The following ULK4 variants were observed in gnomAD, a reference collection of about 807,000 sequenced individuals.
The protein encoded by ULK4 is unc-51 like kinase 4, also known as inactive serine/threonine-protein kinase ULK4.
A neutral mutation model predicts 160.6 loss-of-function variants in ULK4; 133 were observed. The observed-to-expected ratio is 0.83, with a 90% CI of 0.72 to 0.96. The LOEUF is 0.96. ULK4 is among the 40% of genes least tolerant of loss of function. ULK4 has a pLI of 0.00. For missense variants in ULK4, 1,580 were observed against 1,499.5 expected, an observed-to-expected ratio of 1.05 and a Z score of -0.89; for synonymous variants, 534 against 539.8, an observed-to-expected ratio of 0.99 and a Z score of 0.15.
intron 33 of ULK4, among the ~76,000 whole-genome samples, chr3:41,461,312 T>C (rs2083679237): frequency 6.6e-6 from 1 of 152,176 alleles, no homozygotes; most frequent in African/African-American, 2.4e-5. Flanking sequence ...ATCCCCAGTG[T>C]GAGAAGTATG....
chr3:41,305,676 C>T (rs1353276082), intron 35 of ULK4, among the ~76,000 whole-genome samples: 5 of 143,382 alleles, frequency 3.5e-5, no homozygotes, highest in East Asian at 2.2e-4. Context: ...TCTGCCTGGC[C>T]GCCCATCGTC....
intron 32 of ULK4, among the ~76,000 whole-genome samples, chr3:41,558,720 A>G (rs529130108): frequency 6.7e-6 from 1 of 148,776 alleles, no homozygotes; most frequent in African/African-American, 2.5e-5. Context: ...AAAAGAAAAG[A>G]AAAAAAAGGA....
At chr3:41,459,364 G>A (rs950004852) in intron 33 of ULK4, among the ~76,000 whole-genome samples, 2 of 152,186 alleles carry the variant, frequency 1.3e-5, no homozygotes, top group African/African-American at 2.4e-5. Flanking sequence ...ACCATGCCCA[G>A]CCCAGTTCCT....
At chr3:41,378,315 G>A (rs1431468260) in intron 35 of ULK4, among the ~76,000 whole-genome samples, 1 of 150,798 alleles carries the variant, frequency 6.6e-6, no homozygotes, top group African/African-American at 2.4e-5. Context: ...CATGGCACAT[G>A]TATACATATG....
intron 35 of ULK4, among the ~76,000 whole-genome samples, chr3:41,375,114 C>A (rs1439171693): frequency 6.6e-6 from 1 of 152,130 alleles, no homozygotes; most frequent in Non-Finnish European, 1.5e-5. Context: ...CTACAAACCA[C>A]TGCTCGACGA....
intron 31 of ULK4, among the ~76,000 whole-genome samples, chr3:41,568,642 C>A (rs1280886300): frequency 6.6e-6 from 1 of 152,216 alleles, no homozygotes; most frequent in African/African-American, 2.4e-5. Flanking sequence ...GAAAAACACA[C>A]ATAAACTCTT....
At chr3:41,648,858 G>A (rs1461403643) in intron 30 of ULK4, among the ~76,000 whole-genome samples, 1 of 152,126 alleles carries the variant, frequency 6.6e-6, no homozygotes, top group African/African-American at 2.4e-5. Flanking sequence ...AGTAGGCTAG[G>A]CATGGTGGCT....
chr3:41,508,139 G>A (rs534334248), intron 32 of ULK4, among the ~76,000 whole-genome samples: 2 of 152,186 alleles, frequency 1.3e-5, no homozygotes, highest in Non-Finnish European at 2.9e-5. Context: ...CTGCATGAGA[G>A]TAGGGTGAGG....
At chr3:41,913,203 G>A (rs767220137) in intron 8 of ULK4, 110 of 198,360 alleles carry the variant, frequency 5.5e-4, no homozygotes, top group Non-Finnish European at 9.4e-4. Flanking sequence ...AAACGGAGTC[G>A]ATAAATAATT....
intron 12 of ULK4, 29 bp downstream of exon 12, chr3:41,907,816 T>G (rs752245244): frequency 1.4e-6 from 2 of 1,452,612 alleles, no homozygotes; most frequent in Non-Finnish European, 1.9e-6. Flanking sequence ...ACATCTTATG[T>G]AGGAAGAAAA....
chr3:41,906,183 C>G (rs1250996423), intron 12 of ULK4, among the ~76,000 whole-genome samples: 1 of 144,282 alleles, frequency 6.9e-6, no homozygotes, highest in Non-Finnish European at 1.5e-5. Context: ...CGCCACTGCA[C>G]TCCAGCCTGG....
At position 41,395,721 on chromosome 3, in the gene ULK4, G is replaced by A. The variant is rs79918083; in HGVS notation, c.3678+2358C>T. 6.7e-3 allele frequency among the ~76,000 whole-genome samples: 1,022 copies of A among 152,248 alleles called. 4 individuals carry two copies. The highest frequency in any genetic ancestry group is 0.015 in the East Asian group (79 of 5,178). On this transcript the variant is annotated intron_variant, in intron 35 of 36. Transcript: ENST00000301831. ...ATAATAGTGATGGTTGCACAACAAT[G>A]TGAATATGCTTAATGCCACTGAACC... is the stretch of plus-strand genomic sequence containing the variant.
At chr3:41,375,782 G>A (rs778530238) in intron 35 of ULK4, among the ~76,000 whole-genome samples, 2 of 150,228 alleles carry the variant, frequency 1.3e-5, no homozygotes, top group Non-Finnish European at 2.9e-5. Flanking sequence ...TGACAAATGG[G>A]ATCTAATTAA....
intron 34 of ULK4, among the ~76,000 whole-genome samples, chr3:41,428,038 A>G (rs2082817163): frequency 6.6e-6 from 1 of 152,118 alleles, no homozygotes; most frequent in South Asian, 2.1e-4. Flanking sequence ...TCTCAGCCCA[A>G]AAGTTTAAGC....
chr3:41,246,975 G>GCACTGT lies in ULK4; in HGVS notation c.3776_3781dup (p.Asp1259_Ser1260dup). On this transcript the variant is annotated inframe_insertion, in exon 37 of 37. Transcript: ENST00000301831. The stretch of plus-strand genomic sequence containing the variant: ...GATTTCCAGGGCCAAGGGAGCCACC[G>GCACTGT]CACTGTCGGCAAATGAACTGTAAGA... 6.2e-7 allele frequency: 1 copy of GCACTGT among 1,613,816 alleles called. No individual in the cohort carries two copies. Among genetic ancestry groups the GCACTGT allele is most frequent in the South Asian group, 1.1e-5 (1 of 90,942 alleles).
chr3:41,867,746 A>G (rs1696947892), intron 17 of ULK4, among the ~76,000 whole-genome samples: 2 of 152,244 alleles, frequency 1.3e-5, no homozygotes, highest in South Asian at 4.1e-4. Context: ...TACTGCTCTA[A>G]TCTGAGCATT....
At chr3:41,408,559 C>T (rs2082344669) in intron 34 of ULK4, among the ~76,000 whole-genome samples, 1 of 151,714 alleles carries the variant, frequency 6.6e-6, no homozygotes, top group African/African-American at 2.4e-5. Context: ...AGATTCAAAG[C>T]ATTCTCTATC....
chr3:41,827,229 T>C (rs147428270), intron 18 of ULK4, among the ~76,000 whole-genome samples: 34,406 of 131,172 alleles, frequency 0.26, 8,750 homozygotes, highest in African/African-American at 0.65. Context: ...AATTGACACC[T>C]TAACATCACA....
intron 34 of ULK4, among the ~76,000 whole-genome samples, chr3:41,438,200 C>CTTGCTG (rs1400050680): frequency 6.6e-6 from 1 of 151,478 alleles, no homozygotes; most frequent in African/African-American, 2.4e-5. Context: ...AGAGTAAGCC[C>CTTGCTG]TTGCTGTTTC....
Sources: allele counts gnomAD v4.1 joint callset (sites outside exome capture counted in the v4.1 genomes callset), GRCh38; gene constraint gnomAD v4.1.1; transcripts MANE v1.5; gene names NCBI Gene and HGNC (gene_info 2026-07-23, HGNC 2026-07-21).